The following MSRB3 variants were observed in gnomAD, a reference collection of about 807,000 sequenced individuals.
MSRB3 encodes the protein methionine sulfoxide reductase B3.
Under a neutral mutation model 21.0 loss-of-function variants are expected in MSRB3, and 13 were observed. That is an observed-to-expected ratio of 0.62 (90% CI 0.40 to 0.98). The LOEUF is 0.98. Ranked by LOEUF, MSRB3 falls within the 50% of genes least tolerant of loss-of-function variation. The pLI is 0.00. For missense variants in MSRB3, 199 were observed against 230.3 expected, an observed-to-expected ratio of 0.86 and a Z score of 0.88; for synonymous variants, 87 against 88.6, an observed-to-expected ratio of 0.98 and a Z score of 0.10.
intron 5 of MSRB3, among the ~76,000 whole-genome samples, chr12:65,429,588 T>C (rs766876634): frequency 6.6e-5 from 10 of 152,196 alleles, no homozygotes; most frequent in Non-Finnish European, 1.2e-4. Flanking sequence ...TCCTCCAGCA[T>C]ATCCTTAGGC....
At chr12:65,419,497 C>T (rs781690497) in intron 5 of MSRB3, 16 of 739,594 alleles carry the variant, frequency 2.2e-5, no homozygotes, top group Non-Finnish European at 3.2e-5. Flanking sequence ...CACAGACTGG[C>T]GCATGGCCAG....
chr12:65,425,171 G>A (rs760980050), intron 5 of MSRB3, among the ~76,000 whole-genome samples: 8 of 151,222 alleles, frequency 5.3e-5, no homozygotes, highest in Non-Finnish European at 1.2e-4. Context: ...TATAAATATA[G>A]CTACACATAC....
Position 65,308,682 on chromosome 12 carries a change from T to C in MSRB3, c.76+27T>C, listed in dbSNP as rs1308343923. ...TTGCTGCTTGTTGTACTGTACATAG[T>C]GAAGGCACAGGGCCAACTGGGTGTT... is the stretch of plus-strand genomic sequence containing the variant. On this transcript the variant is annotated intron_variant, in intron 2 of 6. Transcript: ENST00000308259. The C allele has an allele frequency of 1.9e-6, 3 of 1,613,774 alleles. No homozygotes were observed. In the Admixed American group the frequency reaches 5.0e-5, roughly 27 times the overall value.
In MSRB3 at chr12:65,278,725, A is replaced by C; in HGVS notation, c.-192A>C. ...GTCCGTCGCCCGGAGCCGGGGAGGG[A>C]GGGAGCGAGGTTCGGACACCGGCGG... On this transcript the variant is annotated 5_prime_UTR_variant, in exon 1 of 7. Coordinates refer to ENST00000308259, the MANE Select transcript of MSRB3 (RefSeq NM_001031679.3). 6.6e-7 allele frequency: 1 copy of C among 1,525,576 alleles called. No homozygotes were observed. The highest frequency in any genetic ancestry group is 8.9e-7 in the Non-Finnish European group (1 of 1,123,490). The allele number at this position is 1,525,576 out of a possible 1,614,324, so 94.5% of individuals were successfully genotyped here.
At chr12:65,439,710 G>A (rs1427611561) in intron 5 of MSRB3, among the ~76,000 whole-genome samples, 1 of 151,136 alleles carries the variant, frequency 6.6e-6, no homozygotes, top group Non-Finnish European at 1.5e-5. Flanking sequence ...AAAAATAAAG[G>A]AACTTTATAA....
At chr12:65,337,460 T>C (rs1875858796) in intron 4 of MSRB3, among the ~76,000 whole-genome samples, 1 of 148,832 alleles carries the variant, frequency 6.7e-6, no homozygotes. Flanking sequence ...AAAAAAAAGT[T>C]TCAGCACAAA....
intron 4 of MSRB3, among the ~76,000 whole-genome samples, chr12:65,333,137 A>AT (rs1357978599): frequency 2.0e-5 from 3 of 152,356 alleles, no homozygotes; most frequent in Middle Eastern, 3.4e-3. Context: ...ATTTTTGACC[A>AT]TTTATATTTT....
chr12:65,312,213 A>G (rs1423541367), intron 2 of MSRB3, among the ~76,000 whole-genome samples: 1 of 152,044 alleles, frequency 6.6e-6, no homozygotes, highest in Admixed American at 6.6e-5. Context: ...GATTTTATTA[A>G]CTGTCACTTG....
rs1159096708 is a variant in MSRB3, at chr12:65,466,138, C to G, written c.*2816C>G. 6.6e-6 allele frequency: 1 copy of G among 151,900 alleles called. No homozygotes were observed. The highest frequency in any genetic ancestry group is 1.5e-5 in the Non-Finnish European group (1 of 67,964). The allele number at this position is 151,900 out of a possible 1,614,324, so 9.4% of individuals were successfully genotyped here. A position where few individuals can be genotyped will look rare whatever the true frequency, so the allele number is the denominator to read the frequency against. ...AAAAAAAGCCCCTCTTTTTCTAATC[C>G]TTAGTCTTTGTTTCAAGGAAAGCCA... On this transcript the variant is annotated 3_prime_UTR_variant, in exon 7 of 7. Coordinates refer to ENST00000308259, the MANE Select transcript of MSRB3 (RefSeq NM_001031679.3).
intron 1 of MSRB3, among the ~76,000 whole-genome samples, chr12:65,304,701 G>C (rs1055309883): frequency 3.3e-5 from 5 of 152,192 alleles, no homozygotes; most frequent in African/African-American, 1.2e-4. Context: ...ATTTCTACAG[G>C]GTGTTTAATG....
At chr12:65,381,862 T>C (rs1322377914) in intron 5 of MSRB3, among the ~76,000 whole-genome samples, 1 of 152,054 alleles carries the variant, frequency 6.6e-6, no homozygotes, top group African/African-American at 2.4e-5. Flanking sequence ...TATATTGTAT[T>C]CGATGTTGCA....
intron 4 of MSRB3, among the ~76,000 whole-genome samples, chr12:65,348,487 A>G (rs1565846746): frequency 6.6e-6 from 1 of 151,438 alleles, no homozygotes; most frequent in African/African-American, 2.4e-5. Flanking sequence ...TTTCTTCTTT[A>G]TTAGTCTTGC....
chr12:65,463,882 GT>G lies in MSRB3; in HGVS notation c.*562del, dbSNP rs1391135589. ...GTGAAGGTCTAAAGTCTTTCCTTAT[GT>G]TAAATTGTTGCCAGATCCAAAGGGG... On this transcript the variant is annotated 3_prime_UTR_variant, in exon 7 of 7. Coordinates refer to ENST00000308259, the MANE Select transcript of MSRB3 (RefSeq NM_001031679.3). 9.0e-5 allele frequency: 14 copies of G among 154,750 alleles called. No individual in the cohort carries two copies. The highest frequency in any genetic ancestry group is 3.4e-4 in the African/African-American group (14 of 41,380). The allele number at this position is 154,750 out of a possible 1,614,324, so 9.6% of individuals were successfully genotyped here.
intron 1 of MSRB3, among the ~76,000 whole-genome samples, chr12:65,295,748 T>C (rs1284063160): frequency 1.3e-5 from 2 of 152,138 alleles, no homozygotes; most frequent in Non-Finnish European, 2.9e-5. Flanking sequence ...AAGCAAATAA[T>C]ATTTTAATTA....
intron 2 of MSRB3, among the ~76,000 whole-genome samples, chr12:65,320,964 C>A (rs1052207988): frequency 6.6e-6 from 1 of 152,124 alleles, no homozygotes; most frequent in Non-Finnish European, 1.5e-5. Flanking sequence ...GCCATGTGTT[C>A]GGAAAGCTCT....
At chr12:65,462,302 C>T (rs180919280) in intron 6 of MSRB3, among the ~76,000 whole-genome samples, 197 of 152,226 alleles carry the variant, frequency 1.3e-3, no homozygotes, top group Non-Finnish European at 2.1e-3. Context: ...GGAGCTGTAC[C>T]CAGCATCAAC....
At chr12:65,299,122 T>G (rs1327670191) in intron 1 of MSRB3, among the ~76,000 whole-genome samples, 1 of 152,246 alleles carries the variant, frequency 6.6e-6, no homozygotes, top group Admixed American at 6.5e-5. Context: ...TTAAAATCAT[T>G]ATTCTAGTAG....
At chr12:65,417,234 C>T (rs955644131) in intron 5 of MSRB3, among the ~76,000 whole-genome samples, 3 of 152,068 alleles carry the variant, frequency 2.0e-5, no homozygotes, top group Admixed American at 6.5e-5. Flanking sequence ...GTTTGCCCCT[C>T]ATTAAGGGAA....
intron 5 of MSRB3, chr12:65,418,679 T>A (rs1881110188): frequency 1.4e-6 from 1 of 694,012 alleles, no homozygotes; most frequent in African/African-American, 1.8e-5. Flanking sequence ...CTGAACTTTT[T>A]ATTGGCTTCC....
Sources: gnomAD v4.1 joint callset for allele counts (sites outside exome capture counted in the v4.1 genomes callset) on GRCh38, gnomAD v4.1.1 for gene constraint, MANE v1.5 for transcripts, NCBI Gene and HGNC (gene_info 2026-07-23, HGNC 2026-07-21) for gene names.